The following STN1 variants were observed in gnomAD, a reference collection of about 807,000 sequenced individuals.
The protein encoded by STN1 is STN1 subunit of CST complex, also known as CST complex subunit STN1.
Under a neutral mutation model 45.5 loss-of-function variants are expected in STN1, and 29 were observed. That is an observed-to-expected ratio of 0.64 (90% confidence interval 0.47 to 0.87). STN1 has a LOEUF of 0.87. Among genes scored for constraint, STN1 ranks in the 40% least tolerant of loss-of-function variants. The pLI is 0.00. For missense variants in STN1, 376 were observed against 441.4 expected (o/e 0.85, Z 1.33); for synonymous variants, 148 against 159.0 (o/e 0.93, Z 0.52).
Position 103,879,316 on chromosome 10 carries a change from G to C in STN1, c.*3368C>G, listed in dbSNP as rs1564909487. ...CTATTGGGGGAAAATAATAAACAGG[G>C]CAAGTAAGAAACCATGGAGTGTGTT... On this transcript the variant is annotated 3_prime_UTR_variant, in exon 10 of 10. Coordinates refer to ENST00000224950, the MANE Select transcript of STN1 (RefSeq NM_024928.5). 1 of 152,344 alleles carries C rather than the reference G, an allele frequency of 6.6e-6. No homozygotes were observed. Among genetic ancestry groups the C allele is most frequent in the Non-Finnish European group, 1.5e-5 (1 of 68,166 alleles). 9.4% of individuals were successfully genotyped at this position (152,344 alleles called of 1,614,324 possible). A position where few individuals can be genotyped will look rare whatever the true frequency, so the allele number is the denominator to read the frequency against.
intron 9 of STN1, among the ~76,000 whole-genome samples, chr10:103,883,492 A>C (rs1843084298): frequency 6.6e-6 from 1 of 152,144 alleles, no homozygotes; most frequent in Non-Finnish European, 1.5e-5. Context: ...AAACGTTGGT[A>C]ATGAGAAAAT....
chr10:103,886,756 C>T (rs1843106110), intron 9 of STN1, among the ~76,000 whole-genome samples: 1 of 152,104 alleles, frequency 6.6e-6, no homozygotes, highest in Non-Finnish European at 1.5e-5. Flanking sequence ...TTCTAAATGC[C>T]AATTCATTTA....
At chr10:103,906,180 TTAAGA>T (rs1474676401) in intron 3 of STN1, among the ~76,000 whole-genome samples, 6 of 152,204 alleles carry the variant, frequency 3.9e-5, no homozygotes, top group Middle Eastern at 3.4e-3. Context: ...AAAGGTAAAC[TTAAGA>T]TGAGAAGAAG....
chr10:103,894,608 G>T (rs991917847), intron 7 of STN1, among the ~76,000 whole-genome samples: 10 of 151,268 alleles, frequency 6.6e-5, no homozygotes, highest in African/African-American at 2.4e-4. Flanking sequence ...GCTTTTCCTG[G>T]ACTGGGATCT....
At position 103,882,728 on chromosome 10, in the gene STN1, T is replaced by C. The variant is rs370342283; in HGVS notation, c.1063A>G (p.Ser355Gly). 7 of 1,614,180 alleles carry C rather than the reference T, an allele frequency of 4.3e-6. No homozygotes were observed. Among genetic ancestry groups the C allele is most frequent in the Non-Finnish European group, 5.1e-6 (6 of 1,180,016 alleles). ...TGCTCCATTGTGCTGACAATGTCAC[T>C]CTGGTCCTCCAGGAGCTCCAGAACT... ...QQVLELLEDQ[S>G]DIVSTMEHYY... Residue 355 changes from serine (S) to glycine (G), a missense_variant, in exon 10 of 10, where the codon AGT becomes GGT. Ser to Gly is a moderately conservative substitution (Grantham distance 56). Transcript: ENST00000224950.
rs1474827122 is a variant in STN1, at chr10:103,882,793, A to C, written c.998T>G (p.Leu333Arg). 2 of 1,614,100 alleles carry C rather than the reference A, an allele frequency of 1.2e-6. No individual in the cohort carries two copies. The highest frequency in any genetic ancestry group is 4.5e-5 in the East Asian group (2 of 44,890). ...HFLHILACAR[L>R]SIRPGLSEAV... Reference sequence around the variant, plus strand: ...CTCGCTCAGGCCCGGGCGGATGCTCAGGCGAGCACAGGCCAAGATGTGCAG... The same window carrying C: ...CTCGCTCAGGCCCGGGCGGATGCTCCGGCGAGCACAGGCCAAGATGTGCAG... The change falls in exon 10 of 10, where the codon CTG becomes CGG. Residue 333 changes from leucine to arginine, a missense_variant. By Grantham distance (102) the Leu-to-Arg change is moderately radical (BLOSUM62 -2). Coordinates refer to ENST00000224950, the MANE Select transcript of STN1 (RefSeq NM_024928.5).
chr10:103,882,620 G>A lies in STN1; in HGVS notation c.*64C>T, dbSNP rs1336627883. On this transcript the variant is annotated 3_prime_UTR_variant, in exon 10 of 10. Transcript: ENST00000224950. Reference sequence around the variant, plus strand: ...GATAAGCCCCTGCATGATGCTGAAAGTCAGAGCCTGGGGGTGAATGCCACC... The same window carrying A: ...GATAAGCCCCTGCATGATGCTGAAAATCAGAGCCTGGGGGTGAATGCCACC... 6.6e-7 allele frequency: 1 copy of A among 1,517,050 alleles called. No individual in the cohort carries two copies. The highest frequency in any genetic ancestry group is 2.3e-5 in the East Asian group (1 of 43,438). 94.0% of individuals were successfully genotyped at this position (1,517,050 alleles called of 1,614,324 possible).
intron 7 of STN1, among the ~76,000 whole-genome samples, chr10:103,897,312 C>T (rs898805644): frequency 2.5e-5 from 1 of 40,526 alleles, no homozygotes; most frequent in African/African-American, 4.7e-5. Context: ...ACTCTGTCTC[C>T]GAAAAAAAAA....
chr10:103,899,960 C>A, intron 5 of STN1, 102 bp downstream of exon 5: 2 of 1,020,534 alleles, frequency 2.0e-6, no homozygotes, highest in South Asian at 1.5e-5. Flanking sequence ...AGAGTTATAC[C>A]TTAACTGAAC....
At chr10:103,884,939 T>C (rs1361336844) in intron 9 of STN1, among the ~76,000 whole-genome samples, 3 of 152,168 alleles carry the variant, frequency 2.0e-5, no homozygotes, top group African/African-American at 7.2e-5. Context: ...TTCTTCAACA[T>C]TCACTCCATA....
intron 7 of STN1, among the ~76,000 whole-genome samples, chr10:103,896,803 T>G (rs1336074904): frequency 6.6e-6 from 1 of 152,054 alleles, no homozygotes; most frequent in Non-Finnish European, 1.5e-5. Flanking sequence ...CCCAAAATGC[T>G]GGGATTACAG....
rs780205767 is a variant in STN1 at position 103,917,625 on chromosome 10, T to C, written c.-31A>G. 2 of 1,608,328 alleles carry C rather than the reference T, an allele frequency of 1.2e-6. No homozygotes were observed. The highest frequency in any genetic ancestry group is 2.7e-5 in the African/African-American group (2 of 74,684). The stretch of plus-strand genomic sequence containing the variant: ...GGCAGGGCTGTGGCTTCCAGCTAAC[T>C]CTGAAAGGTTCTGCATCACTGAGTC... On this transcript the variant is annotated 5_prime_UTR_variant, in exon 2 of 10. Coordinates refer to ENST00000224950, the MANE Select transcript of STN1 (RefSeq NM_024928.5).
rs1322340734 is a variant in STN1 at position 103,914,364 on chromosome 10, ATATATATATATTT to A, written c.133+3085_133+3097del. 3.9e-3 allele frequency among the ~76,000 whole-genome samples: 34 copies of A among 8,728 alleles called. 1 individual carries two copies. The highest frequency in any genetic ancestry group is 0.017 in the South Asian group (4 of 230). 5.7% of individuals were successfully genotyped at this position (8,728 alleles called of 152,430 possible). A position where few individuals can be genotyped will look rare whatever the true frequency, so the allele number is the denominator to read the frequency against. ...TATATATATATATATATATATATAT[ATATATATATATTT>A]TTTTTTTTTTTTTTTGAGACAGGGT... On this transcript the variant is annotated intron_variant, in intron 2 of 9. Coordinates refer to ENST00000224950, the MANE Select transcript of STN1 (RefSeq NM_024928.5).
chr10:103,909,545 T>C (rs1843276501), intron 3 of STN1, among the ~76,000 whole-genome samples: 1 of 72,040 alleles, frequency 1.4e-5, no homozygotes, highest in Non-Finnish European at 3.5e-5. Context: ...TATATGTACA[T>C]ATATATATGC....
chr10:103,908,148 G>A (rs1589502212), intron 3 of STN1, among the ~76,000 whole-genome samples: 1 of 150,798 alleles, frequency 6.6e-6, no homozygotes, highest in East Asian at 1.9e-4. Context: ...AAAAAAATTA[G>A]CACATGAACA....
intron 2 of STN1, among the ~76,000 whole-genome samples, chr10:103,912,721 ACTCAGCCCTTTCTGCCTCCC>A (rs1843299744): frequency 6.6e-6 from 1 of 152,198 alleles, no homozygotes; most frequent in African/African-American, 2.4e-5. Flanking sequence ...CTCTGGCTGC[ACTCAGCCCTTTCTGCCTCCC>A]CAAATGCTCT....
chr10:103,892,399 G>T, intron 7 of STN1, 147 bp from the exon 8 acceptor site: 1 of 658,886 alleles, frequency 1.5e-6, no homozygotes, highest in Non-Finnish European at 2.4e-6. Flanking sequence ...TACCGGCCTA[G>T]CAGGATGGTA....
In STN1 at chr10:103,892,175, T is replaced by G; in HGVS notation, c.831A>C (p.Lys277Asn). 6.2e-7 allele frequency: 1 copy of G among 1,611,580 alleles called. No individual in the cohort carries two copies. The highest frequency in any genetic ancestry group is 8.5e-7 in the Non-Finnish European group (1 of 1,178,812). Residue 277 changes from lysine (K) to asparagine (N), a missense_variant, in exon 8 of 10, where the codon AAA becomes AAC. Coordinates refer to ENST00000224950, the MANE Select transcript of STN1 (RefSeq NM_024928.5). ...FKNAIQLLQE[K>N]GLVFQKDDGF... ...CATCATCTTTCTGGAAAACAAGTCC[T>G]TTTTCCTGCAGCAGTTGTATAGCAT... is the stretch of plus-strand genomic sequence containing the variant.
chr10:103,885,262 C>T (rs1564910932), intron 9 of STN1, among the ~76,000 whole-genome samples: 1 of 152,196 alleles, frequency 6.6e-6, no homozygotes, highest in Non-Finnish European at 1.5e-5. Context: ...AAGAGCTGAC[C>T]AGCAAGCAAG....
Sources: allele counts gnomAD v4.1 joint callset (sites outside exome capture counted in the v4.1 genomes callset), GRCh38; gene constraint gnomAD v4.1.1; transcripts MANE v1.5; gene names NCBI Gene and HGNC (gene_info 2026-07-23, HGNC 2026-07-21).